Variants in FLT3 observed in about 807,000 individuals in gnomAD.
FLT3 encodes the protein fms related receptor tyrosine kinase 3.
FLT3 carries 46 observed loss-of-function variants against 126.6 expected under a neutral mutation model. The ratio of observed to expected loss-of-function variants is 0.36; its 90% CI spans 0.29 to 0.46. FLT3 has a LOEUF of 0.46. Among genes scored for constraint, FLT3 ranks in the 20% least tolerant of loss-of-function variants. The probability of loss-of-function intolerance (pLI) is 1.00; values close to 1 mark genes in which losing one functional copy is unlikely to be tolerated. For missense variants in FLT3, 1,069 were observed against 1,190.3 expected, an observed-to-expected ratio of 0.90 and a Z score of 1.50; for synonymous variants, 404 against 434.4, an observed-to-expected ratio of 0.93 and a Z score of 0.87.
rs754816108 is a variant in FLT3, at chr13:28,050,170, C to T, written c.667G>A (p.Glu223Lys). The change falls in exon 6 of 24, where the codon GAA becomes AAA. Residue 223 changes from glutamate to lysine, a missense_variant. Physicochemically the swap from Glu to Lys is moderately conservative, Grantham distance 56. Coordinates refer to ENST00000241453, the MANE Select transcript of FLT3 (RefSeq NM_004119.3). ...CACCTTATGTCCGTCCCAAATAATT[C>T]ATGAAGCACTTTTTCCTCCTTTTTA... The part of the protein sequence containing the change: ...VVKKEEKVLH[E>K]LFGTDIRCCA... 6.2e-7 allele frequency: 1 copy of T among 1,614,056 alleles called. No individual in the cohort carries two copies. The highest frequency in any genetic ancestry group is 1.7e-5 in the Admixed American group (1 of 60,012).
chr13:28,054,444 G>A (rs768155136), intron 4 of FLT3, among the ~76,000 whole-genome samples: 2 of 151,552 alleles, frequency 1.3e-5, no homozygotes, highest in African/African-American at 2.4e-5. Context: ...AATAAAGGCC[G>A]GGCAAGGTGG....
chr13:28,073,090 C>T (rs1330872741), intron 1 of FLT3, among the ~76,000 whole-genome samples: 1 of 152,120 alleles, frequency 6.6e-6, no homozygotes, highest in Non-Finnish European at 1.5e-5. Context: ...TCTGTAATCC[C>T]AGCACTTTGG....
chr13:28,028,524 T>C (rs1873018850), intron 15 of FLT3, among the ~76,000 whole-genome samples: 1 of 151,864 alleles, frequency 6.6e-6, no homozygotes, highest in Non-Finnish European at 1.5e-5. Flanking sequence ...TGGTGAAACC[T>C]CGTCTCTACT....
chr13:28,090,876 C>T (rs1878986825), intron 1 of FLT3, among the ~76,000 whole-genome samples: 1 of 152,072 alleles, frequency 6.6e-6, no homozygotes, highest in Admixed American at 6.6e-5. Flanking sequence ...AATGGAAATT[C>T]CCAGAATCCA....
At chr13:28,078,817 G>A (rs1000951419) in intron 1 of FLT3, among the ~76,000 whole-genome samples, 19 of 151,618 alleles carry the variant, frequency 1.3e-4, no homozygotes, top group African/African-American at 3.6e-4. Flanking sequence ...AGGTTCAAGC[G>A]ATTCTCCTGC....
At chr13:28,038,546 G>C (rs897313036) in intron 9 of FLT3, among the ~76,000 whole-genome samples, 3 of 150,466 alleles carry the variant, frequency 2.0e-5, no homozygotes, top group African/African-American at 7.4e-5. Context: ...TCTGCCTCCC[G>C]GGTTCCCACC....
chr13:28,014,350 G>T, intron 23 of FLT3, 102 bp downstream of exon 23: 1 of 812,128 alleles, frequency 1.2e-6, no homozygotes, highest in South Asian at 1.6e-5. Flanking sequence ...ACTGCAATGA[G>T]AATGACAACT....
At chr13:28,051,944 G>A (rs1017039790) in intron 5 of FLT3, among the ~76,000 whole-genome samples, 1 of 151,732 alleles carries the variant, frequency 6.6e-6, no homozygotes, top group Non-Finnish European at 1.5e-5. Flanking sequence ...GGAACGTAGA[G>A]GGACTTTTAC....
intron 4 of FLT3, among the ~76,000 whole-genome samples, chr13:28,055,662 A>G (rs1166374747): frequency 6.6e-6 from 1 of 152,234 alleles, no homozygotes; most frequent in African/African-American, 2.4e-5. Context: ...ATTTACCTGA[A>G]TAACTGTTGT....
intron 1 of FLT3, among the ~76,000 whole-genome samples, chr13:28,090,072 T>C (rs749684770): frequency 6.0e-5 from 9 of 150,274 alleles, no homozygotes; most frequent in Non-Finnish European, 8.9e-5. Flanking sequence ...ATGGAGTCTG[T>C]CTCTGTCACC....
chr13:28,069,542 G>A (rs545016558), intron 2 of FLT3, among the ~76,000 whole-genome samples: 6 of 152,128 alleles, frequency 3.9e-5, no homozygotes, highest in Non-Finnish European at 7.4e-5. Context: ...AGGGATTCAG[G>A]CTTGGAAGAA....
intron 19 of FLT3, among the ~76,000 whole-genome samples, chr13:28,021,920 A>C (rs1436215754): frequency 6.6e-6 from 1 of 151,134 alleles, no homozygotes; most frequent in African/African-American, 2.4e-5. Context: ...TTTTTTTTGT[A>C]TAGAGACGGG....
intron 3 of FLT3, among the ~76,000 whole-genome samples, chr13:28,059,612 T>C (rs1287946864): frequency 1.3e-5 from 2 of 152,200 alleles, no homozygotes; most frequent in African/African-American, 4.8e-5. Flanking sequence ...TAAGATCAAA[T>C]GTTCTTTTCC....
chr13:28,018,232 T>C (rs1241924534), intron 20 of FLT3, among the ~76,000 whole-genome samples: 1 of 152,220 alleles, frequency 6.6e-6, no homozygotes, highest in Non-Finnish European at 1.5e-5. Flanking sequence ...ACTGATCTAC[T>C]CTGACTAGCT....
rs985863339 is a variant in FLT3, at chr13:28,003,501, C to T, written c.*551G>A. 5.1e-5 allele frequency: 12 copies of T among 235,782 alleles called. No homozygotes were observed. The highest frequency in any genetic ancestry group is 7.5e-5 in the Non-Finnish European group (9 of 119,462). The allele number at this position is 235,782 out of a possible 1,614,324, so 14.6% of individuals were successfully genotyped here. ...CCTTGTATCTTGGGGTAAAAGCACA[C>T]GTGCTCTGGAAGGAATGTGTAGGTG... On this transcript the variant is annotated 3_prime_UTR_variant, in exon 24 of 24. Transcript: ENST00000241453.
At chr13:28,088,863 C>T (rs1462244396) in intron 1 of FLT3, among the ~76,000 whole-genome samples, 6 of 146,578 alleles carry the variant, frequency 4.1e-5, no homozygotes, top group Admixed American at 1.4e-4. Flanking sequence ...GGATTACAAG[C>T]GTGAGCTGCC....
chr13:28,058,217 A>AAAC (rs1226457277), intron 3 of FLT3, among the ~76,000 whole-genome samples: 4 of 93,922 alleles, frequency 4.3e-5, no homozygotes, highest in African/African-American at 1.1e-4. Context: ...TAAAAAAAAA[A>AAAC]AACAAAAAAA....
chr13:28,077,503 A>G (rs1878036399), intron 1 of FLT3, among the ~76,000 whole-genome samples: 1 of 152,180 alleles, frequency 6.6e-6, no homozygotes, highest in African/African-American at 2.4e-5. Flanking sequence ...TGAGAATAGC[A>G]TGGGAAAGTC....
At chr13:28,064,170 C>T (rs1033896379) in intron 2 of FLT3, among the ~76,000 whole-genome samples, 13 of 151,946 alleles carry the variant, frequency 8.6e-5, no homozygotes, top group African/African-American at 3.1e-4. Context: ...AAGTAAAGGG[C>T]GAATACCCCT....
Sources: allele counts gnomAD v4.1 joint callset (sites outside exome capture counted in the v4.1 genomes callset), GRCh38; gene constraint gnomAD v4.1.1; transcripts MANE v1.5; gene names NCBI Gene and HGNC (gene_info 2026-07-23, HGNC 2026-07-21).